The following ZNF805 variants were observed in gnomAD, a reference collection of about 807,000 sequenced individuals.
ZNF805 encodes CTC-444N24.8.
ZNF805 carries 7 observed loss-of-function variants against 13.6 expected under a neutral mutation model. The ratio of observed to expected loss-of-function variants is 0.51; its 90% CI spans 0.29 to 0.97. ZNF805 has a LOEUF of 0.97. Among genes scored for constraint, ZNF805 ranks in the 50% least tolerant of loss-of-function variants. The pLI is 0.08. For missense variants in ZNF805, 604 were observed against 771.0 expected, an observed-to-expected ratio of 0.78 and a Z score of 2.57; for synonymous variants, 293 against 279.8, an observed-to-expected ratio of 1.05 and a Z score of -0.47.
Position 57,255,622 on chromosome 19 carries a change from T to C in ZNF805, c.*919T>C, listed in dbSNP as rs546213099. On this transcript the variant is annotated 3_prime_UTR_variant, in exon 4 of 4. Coordinates refer to ENST00000414468, the MANE Select transcript of ZNF805 (RefSeq NM_001023563.4). ...TGAGTGATTGTAAATGGCATTGATA[T>C]TTAAAGTTTCAATATTCACATGATG... is the stretch of plus-strand genomic sequence containing the variant. Among the ~76,000 whole-genome samples, 18 of 152,178 alleles carry C rather than the reference T, an allele frequency of 1.2e-4. No individual in the cohort carries two copies. Among genetic ancestry groups the C allele is most frequent in the Non-Finnish European group, 2.6e-4 (18 of 67,988 alleles).
Position 57,240,790 on chromosome 19 carries a change from G to A in ZNF805, c.-102G>A. On this transcript the variant is annotated 5_prime_UTR_variant, in exon 1 of 4. Transcript: ENST00000414468. ...CGAGAGAGTTTGACTGTCAGCCAAG[G>A]TCACCGGGCCCGGCGCAGGGAAGGG... 1 of 1,178,038 alleles carries A rather than the reference G, an allele frequency of 8.5e-7. No individual in the cohort carries two copies. The highest frequency in any genetic ancestry group is 2.8e-5 in the East Asian group (1 of 35,462). The allele number at this position is 1,178,038 out of a possible 1,614,324, so 73.0% of individuals were successfully genotyped here.
Position 57,257,155 on chromosome 19 carries a change from C to G in ZNF805, c.*2452C>G, listed in dbSNP as rs947114309. Among the ~76,000 whole-genome samples, 7 of 151,852 alleles carry G rather than the reference C, an allele frequency of 4.6e-5. No individual in the cohort carries two copies. The highest frequency in any genetic ancestry group is 2.1e-4 in the South Asian group (1 of 4,782). ...TGATGTTACTGTTGAAATTTGTTGACTTTTTTTCCTTATGACCCAGGATAT... is the reference window on the plus strand; with the variant it reads ...TGATGTTACTGTTGAAATTTGTTGAGTTTTTTTCCTTATGACCCAGGATAT... On this transcript the variant is annotated 3_prime_UTR_variant, in exon 4 of 4. Transcript: ENST00000414468.
At position 57,253,189 on chromosome 19, in the gene ZNF805, C is replaced by A. The variant is rs758053155; in HGVS notation, c.370C>A (p.Gln124Lys). 1 of 1,560,772 alleles carries A rather than the reference C, an allele frequency of 6.4e-7. No homozygotes were observed. The highest frequency in any genetic ancestry group is 1.2e-5 in the South Asian group (1 of 84,434). The change falls in exon 4 of 4, where the codon CAA becomes AAA. Residue 124 changes from glutamine (Q) to lysine (K), a missense_variant. Coordinates refer to ENST00000414468, the MANE Select transcript of ZNF805 (RefSeq NM_001023563.4). This position sits in a 1 kb window ranked among gnomAD's most constrained non-coding sequence, Gnocchi z 4.4. ...AGCTTCAGGGGACTCCCAGTTGGGG[C>A]AACCCAAGGATCAGGATGGGTTTTC... ...QGASGDSQLG[Q>K]PKDQDGFSEM...
intron 3 of ZNF805, among the ~76,000 whole-genome samples, chr19:57,251,852 T>A (rs1424951218): frequency 1.3e-5 from 2 of 152,224 alleles, no homozygotes; most frequent in African/African-American, 4.8e-5. Context: ...TAGCTCTAAT[T>A]CCTTAGTAGT....
chr19:57,245,045 G>A (rs896071291), intron 2 of ZNF805, among the ~76,000 whole-genome samples: 1 of 152,134 alleles, frequency 6.6e-6, no homozygotes, highest in African/African-American at 2.4e-5. Context: ...AAGGGTTGGT[G>A]GGATGTTCAC....
intron 2 of ZNF805, among the ~76,000 whole-genome samples, chr19:57,244,532 A>G (rs1449899107): frequency 1.3e-5 from 2 of 152,054 alleles, no homozygotes; most frequent in Non-Finnish European, 2.9e-5. Context: ...CTTCCTATAC[A>G]GTCTCCATGC....
chr19:57,246,693 T>C (rs1339366067), intron 2 of ZNF805, among the ~76,000 whole-genome samples: 1 of 151,732 alleles, frequency 6.6e-6, no homozygotes, highest in Non-Finnish European at 1.5e-5. Flanking sequence ...GGAGAATCAC[T>C]TGAACCAGGG....
At position 57,256,179 on chromosome 19, in the gene ZNF805, C is replaced by CT. The variant is rs1306944955; in HGVS notation, c.*1477dup. 6.6e-6 allele frequency among the ~76,000 whole-genome samples: 1 copy of CT among 152,086 alleles called. No homozygotes were observed. The highest frequency in any genetic ancestry group is 2.4e-5 in the African/African-American group (1 of 41,430). On this transcript the variant is annotated 3_prime_UTR_variant, in exon 4 of 4. Coordinates refer to ENST00000414468, the MANE Select transcript of ZNF805 (RefSeq NM_001023563.4). ...CAGCCTCACATCTTTGTGATAAGCC[C>CT]TACTTGATCATGGAGTATAATTTTG...
Position 57,253,490 on chromosome 19 carries a change from T to C in ZNF805, c.671T>C (p.Ile224Thr), listed in dbSNP as rs1322396070. 8 of 1,606,760 alleles carry C rather than the reference T, an allele frequency of 5.0e-6. No individual in the cohort carries two copies. The African/African-American group carries it at 6.7e-5, about 13-fold the overall frequency. Residue 224 changes from isoleucine (I) to threonine (T), a missense_variant, in exon 4 of 4, where the codon ATT (isoleucine) becomes ACT (threonine). Physicochemically the swap from Ile to Thr is moderately conservative, Grantham distance 89. Transcript: ENST00000414468. The surrounding 1 kb of genome is among the most constrained non-coding windows in gnomAD (Gnocchi z 4.4). ...CGCCTGCTTGCTCGGCATGAGAGGATTCACTCTGGAGTGAAGCCCTATGAA... is the reference window on the plus strand; with the variant it reads ...CGCCTGCTTGCTCGGCATGAGAGGACTCACTCTGGAGTGAAGCCCTATGAA... Reference protein sequence around the residue: ...KKRLLARHERIHSGVKPYECT... With the variant: ...KKRLLARHERTHSGVKPYECT...
At position 57,255,125 on chromosome 19, in the gene ZNF805, C is replaced by T. The variant is rs1350315709; in HGVS notation, c.*422C>T. 5.7e-6 allele frequency: 1 copy of T among 174,520 alleles called. No homozygotes were observed. Among genetic ancestry groups the T allele is most frequent in the East Asian group, 1.9e-4 (1 of 5,392 alleles). The allele number at this position is 174,520 out of a possible 1,614,324, so 10.8% of individuals were successfully genotyped here. A position where few individuals can be genotyped will look rare whatever the true frequency, so the allele number is the denominator to read the frequency against. ...TTTTATATTTAAGGATTAAAAGAAA[C>T]ATGAATGCGCACATTTTATTGTACC... is the stretch of plus-strand genomic sequence containing the variant. On this transcript the variant is annotated 3_prime_UTR_variant, in exon 4 of 4. Transcript: ENST00000414468.
At chr19:57,252,959 A>T (rs2087660298) in intron 3 of ZNF805, 114 bp from the exon 4 acceptor site, 5 of 960,218 alleles carry the variant, frequency 5.2e-6, no homozygotes, top group Non-Finnish European at 7.0e-6. Flanking sequence ...ATGGCAAAAT[A>T]TAACAGACAT....
In ZNF805 at chr19:57,240,840, A is replaced by T; in HGVS notation, c.-52A>T. 1 of 1,532,550 alleles carries T rather than the reference A, an allele frequency of 6.5e-7. No homozygotes were observed. Among genetic ancestry groups the T allele is most frequent in the Non-Finnish European group, 8.8e-7 (1 of 1,135,000 alleles). The allele number at this position is 1,532,550 out of a possible 1,614,324, so 94.9% of individuals were successfully genotyped here. A position where few individuals can be genotyped will look rare whatever the true frequency, so the allele number is the denominator to read the frequency against. ...GGTGGGGCTCGGCTGAGCCCGCGAG[A>T]CCCGCCCTGCTCGCCGCAGCCCCCG... On this transcript the variant is annotated 5_prime_UTR_variant, in exon 1 of 4. Coordinates refer to ENST00000414468, the MANE Select transcript of ZNF805 (RefSeq NM_001023563.4).
intron 1 of ZNF805, among the ~76,000 whole-genome samples, chr19:57,242,299 T>C (rs567983528): frequency 5.3e-5 from 8 of 152,292 alleles, no homozygotes; most frequent in African/African-American, 1.7e-4. Flanking sequence ...ACAGTGGCCA[T>C]TGGAAGCGAA....
At chr19:57,248,181 G>A (rs1425356723) in intron 2 of ZNF805, among the ~76,000 whole-genome samples, 1 of 147,568 alleles carries the variant, frequency 6.8e-6, no homozygotes, top group Non-Finnish European at 1.5e-5. Context: ...TTTAGAGGAA[G>A]AGCATTATAA....
chr19:57,252,324 A>G (rs1285125060), intron 3 of ZNF805, among the ~76,000 whole-genome samples: 3 of 152,176 alleles, frequency 2.0e-5, no homozygotes, highest in Non-Finnish European at 4.4e-5. Flanking sequence ...TTCCAACTGC[A>G]AATTCAGGGA....
rs942582742 is a variant in ZNF805, at chr19:57,257,753, C to T, written c.*3050C>T. ...CGGAGTTTTGTTCTTGTTGCCCAGG[C>T]TGGAGTGGAGTGGTGCGATCTCCGC... On this transcript the variant is annotated 3_prime_UTR_variant, in exon 4 of 4. Transcript: ENST00000414468. Among the ~76,000 whole-genome samples the T allele has an allele frequency of 1.7e-5, 2 of 118,626 alleles. No individual in the cohort carries two copies. Among genetic ancestry groups the T allele is most frequent in the African/African-American group, 6.8e-5 (2 of 29,472 alleles). The allele number at this position is 118,626 out of a possible 152,430, so 77.8% of individuals were successfully genotyped here.
At chr19:57,248,758 C>T in intron 3 of ZNF805, 58 bp downstream of exon 3, 4 of 1,421,564 alleles carry the variant, frequency 2.8e-6, no homozygotes, top group Non-Finnish European at 3.9e-6. Flanking sequence ...TTCGAGGAGA[C>T]CACTGGCCCT....
rs917191247 is a variant in ZNF805 at position 57,257,460 on chromosome 19, T to C, written c.*2757T>C. ...TGTTTGGTATATACACATGTAGGTTTGCTTAGTATTCTTGGTGTATTGACC... is the reference window on the plus strand; with the variant it reads ...TGTTTGGTATATACACATGTAGGTTCGCTTAGTATTCTTGGTGTATTGACC... On this transcript the variant is annotated 3_prime_UTR_variant, in exon 4 of 4. Transcript: ENST00000414468. Among the ~76,000 whole-genome samples, 3 of 152,242 alleles carry C rather than the reference T, an allele frequency of 2.0e-5. No individual in the cohort carries two copies. The highest frequency in any genetic ancestry group is 4.4e-5 in the Non-Finnish European group (3 of 68,038).
intron 2 of ZNF805, among the ~76,000 whole-genome samples, chr19:57,245,620 A>T (rs1049078857): frequency 2.7e-5 from 4 of 149,746 alleles, no homozygotes; most frequent in African/African-American, 9.9e-5. Context: ...TCTACTAAAA[A>T]TACAAAAAAT....
Sources: allele counts gnomAD v4.1 joint callset (sites outside exome capture counted in the v4.1 genomes callset), GRCh38; gene constraint gnomAD v4.1.1; non-coding constraint Gnocchi (gnomAD v3.1); transcripts MANE v1.5; gene names NCBI Gene and HGNC (gene_info 2026-07-23, HGNC 2026-07-21).